Variants in TRHDE observed in about 807,000 individuals in gnomAD.
TRHDE encodes the protein thyrotropin releasing hormone degrading enzyme.
A neutral mutation model predicts 125.7 loss-of-function variants in TRHDE; 72 were observed. The ratio of observed to expected loss-of-function variants is 0.57; its 90% CI spans 0.47 to 0.70. TRHDE has a LOEUF of 0.70. TRHDE is among the 30% of genes least tolerant of loss of function. The pLI, the probability that TRHDE is intolerant of heterozygous loss-of-function variation, is 0.00. For missense variants in TRHDE, 1,110 were observed against 1,327.1 expected (o/e 0.84, Z 2.54); for synonymous variants, 509 against 509.1 (o/e 1.00, Z 0.00).
At chr12:72,186,800 A>G (rs1315195846) in intron 2 of TRHDE, among the ~76,000 whole-genome samples, 1 of 151,674 alleles carries the variant, frequency 6.6e-6, no homozygotes. Context: ...TTTAAGTCCT[A>G]CTACTGCAGT....
intron 2 of TRHDE, among the ~76,000 whole-genome samples, chr12:72,178,750 C>A (rs996608281): frequency 6.6e-6 from 1 of 152,068 alleles, no homozygotes; most frequent in East Asian, 1.9e-4. Context: ...AAGAATATTT[C>A]TAACTCCAGT....
intron 2 of TRHDE, among the ~76,000 whole-genome samples, chr12:72,160,714 A>T (rs1566256472): frequency 6.6e-6 from 1 of 151,792 alleles, no homozygotes; most frequent in Non-Finnish European, 1.5e-5. Context: ...AAAATGAAAC[A>T]AAACAAAACA....
chr12:72,548,291 T>C (rs546947935), intron 7 of TRHDE, among the ~76,000 whole-genome samples: 1 of 151,872 alleles, frequency 6.6e-6, no homozygotes, highest in African/African-American at 2.4e-5. Flanking sequence ...TATTCCCTTC[T>C]CCTATAAATA....
At chr12:72,522,502 T>C (rs1292176194) in intron 6 of TRHDE, among the ~76,000 whole-genome samples, 4 of 152,188 alleles carry the variant, frequency 2.6e-5, no homozygotes, top group African/African-American at 9.6e-5. Flanking sequence ...GTCTTGCAAA[T>C]TGAATTTCTA....
intron 9 of TRHDE, among the ~76,000 whole-genome samples, chr12:72,567,208 A>G (rs1356872349): frequency 6.6e-6 from 1 of 152,002 alleles, no homozygotes; most frequent in African/African-American, 2.4e-5. Flanking sequence ...CTGTCTAAAG[A>G]GTCAATATAG....
intron 15 of TRHDE, among the ~76,000 whole-genome samples, chr12:72,639,735 C>G (rs1263112099): frequency 6.6e-6 from 1 of 152,056 alleles, no homozygotes; most frequent in African/African-American, 2.4e-5. Context: ...GGACCCTCAG[C>G]TGCAGGTCTG....
At chr12:72,528,754 G>T (rs1005625983) in intron 6 of TRHDE, among the ~76,000 whole-genome samples, 4 of 151,970 alleles carry the variant, frequency 2.6e-5, no homozygotes, top group Non-Finnish European at 5.9e-5. Context: ...CCAAAGTGCT[G>T]GGATTACAGG....
At chr12:72,341,219 G>A (rs1276254842) in intron 2 of TRHDE, among the ~76,000 whole-genome samples, 4 of 151,414 alleles carry the variant, frequency 2.6e-5, no homozygotes, top group Non-Finnish European at 5.9e-5. Flanking sequence ...GTGCCATGTT[G>A]GTTTGCTGCA....
At chr12:72,607,013 T>C (rs1472558664) in intron 12 of TRHDE, among the ~76,000 whole-genome samples, 1 of 152,170 alleles carries the variant, frequency 6.6e-6, no homozygotes, top group African/African-American at 2.4e-5. Flanking sequence ...CATATTCTTT[T>C]CACAGTTTGC....
At chr12:72,208,083 G>A (rs1457820708) in intron 2 of TRHDE, among the ~76,000 whole-genome samples, 2 of 152,084 alleles carry the variant, frequency 1.3e-5, no homozygotes, top group African/African-American at 2.4e-5. Flanking sequence ...TGTGTAAATC[G>A]TTAAGTCTCA....
intron 2 of TRHDE, among the ~76,000 whole-genome samples, chr12:72,377,147 G>T (rs1307504127): frequency 6.6e-6 from 1 of 152,116 alleles, no homozygotes; most frequent in East Asian, 1.9e-4. Flanking sequence ...TCATAGAATT[G>T]ATATGAGGAT....
intron 2 of TRHDE, among the ~76,000 whole-genome samples, chr12:72,305,428 A>C (rs901124234): frequency 4.6e-5 from 7 of 152,232 alleles, no homozygotes; most frequent in Non-Finnish European, 8.8e-5. Context: ...ACTTCTGCAA[A>C]TGAAATCACA....
Position 72,532,583 on chromosome 12 carries a change from A to G in TRHDE, c.1723-9708A>G, listed in dbSNP as rs1868612878. Among the ~76,000 whole-genome samples, 7 of 151,306 alleles carry G rather than the reference A, an allele frequency of 4.6e-5. No individual in the cohort carries two copies. In the South Asian group the frequency reaches 1.3e-3, roughly 27 times the overall value. ...CCCCTTCTTTTCCTAGTTTATTAAG[A>G]TATCTTATTATTTTGAATAAGAATG... On this transcript the variant is annotated intron_variant, in intron 6 of 18. Transcript: ENST00000261180.
At chr12:72,402,011 A>C (rs768835535) in intron 3 of TRHDE, among the ~76,000 whole-genome samples, 14 of 152,240 alleles carry the variant, frequency 9.2e-5, no homozygotes, top group Non-Finnish European at 1.8e-4. Context: ...TTCCTTAACA[A>C]GTCTTTATTA....
intron 2 of TRHDE, among the ~76,000 whole-genome samples, chr12:72,329,875 T>G (rs1869504841): frequency 6.6e-6 from 1 of 152,064 alleles, no homozygotes; most frequent in Non-Finnish European, 1.5e-5. Flanking sequence ...TCATAAAAAT[T>G]TAAGAACACT....
In TRHDE at chr12:72,467,747, G is replaced by A. The variant is rs1384802309; in HGVS notation, c.1316-2011G>A. Among the ~76,000 whole-genome samples, 5 of 152,138 alleles carry A rather than the reference G, an allele frequency of 3.3e-5. No homozygotes were observed. In the East Asian group the frequency reaches 9.7e-4, roughly 29 times the overall value. On this transcript the variant is annotated intron_variant, in intron 3 of 18. Coordinates refer to ENST00000261180, the MANE Select transcript of TRHDE (RefSeq NM_013381.3). ...ACAGAATCGCTTGAACCCGGGAGGC[G>A]GAGGTTGCGGTGAGCCGAGATCGCA...
At position 72,619,039 on chromosome 12, in the gene TRHDE, G is replaced by A. The variant is rs755691823; in HGVS notation, c.2469+1G>A. On this transcript the variant is annotated splice_donor_variant, in intron 13 of 18. Transcript: ENST00000261180. LOFTEE classifies it high-confidence loss of function. ...CATGGAAAACTACAACATTTTCAATGTAAAAAGATATAATTTTTCTTTCTA... is the reference window on the plus strand; with the variant it reads ...CATGGAAAACTACAACATTTTCAATATAAAAAGATATAATTTTTCTTTCTA... The A allele has an allele frequency of 1.3e-6, 2 of 1,541,868 alleles. No individual in the cohort carries two copies. Among genetic ancestry groups the A allele is most frequent in the Non-Finnish European group, 8.7e-7 (1 of 1,148,544 alleles).
At chr12:72,631,717 A>G (rs750714445) in intron 15 of TRHDE, among the ~76,000 whole-genome samples, 30 of 151,942 alleles carry the variant, frequency 2.0e-4, no homozygotes, top group Non-Finnish European at 3.7e-4. Context: ...ATAAACACGC[A>G]CACAAGTAGC....
chr12:72,392,723 C>T (rs913493875), intron 3 of TRHDE, among the ~76,000 whole-genome samples: 25 of 152,016 alleles, frequency 1.6e-4, no homozygotes, highest in Admixed American at 7.2e-4. Context: ...TTTGCTGAGC[C>T]CTGCATTACT....
Sources: allele counts gnomAD v4.1 joint callset (sites outside exome capture counted in the v4.1 genomes callset), GRCh38; gene constraint gnomAD v4.1.1; transcripts MANE v1.5; gene names NCBI Gene and HGNC (gene_info 2026-07-23, HGNC 2026-07-21).